Variants in EYA4 observed in about 807,000 individuals in gnomAD.
EYA4 encodes protein phosphatase EYA4.
Under a neutral mutation model 87.9 loss-of-function variants are expected in EYA4, and 31 were observed. The observed-to-expected ratio is 0.35, with a 90% confidence interval of 0.27 to 0.48. The LOEUF is 0.48. Ranked by LOEUF, EYA4 falls within the 20% of genes least tolerant of loss-of-function variation. The pLI, the probability that EYA4 is intolerant of heterozygous loss-of-function variation, is 0.99. For synonymous variants in EYA4, 263 were observed against 270.6 expected, an observed-to-expected ratio of 0.97 and a Z score of 0.28; for missense variants, 678 against 761.4, an observed-to-expected ratio of 0.89 and a Z score of 1.29.
intron 2 of EYA4, among the ~76,000 whole-genome samples, chr6:133,315,191 C>T (rs1361067054): frequency 6.6e-6 from 1 of 152,136 alleles, no homozygotes; most frequent in Non-Finnish European, 1.5e-5. Context: ...GCCACTAAAT[C>T]ACTCTTGGCC....
At chr6:133,297,980 A>G (rs1204143162) in intron 2 of EYA4, among the ~76,000 whole-genome samples, 1 of 152,152 alleles carries the variant, frequency 6.6e-6, no homozygotes, top group East Asian at 1.9e-4. Context: ...CGAGGCTACA[A>G]TATGGTGATT....
rs1432799648 is a variant in EYA4 at position 133,498,696 on chromosome 6, G to C, written c.1192-7410G>C. Among the ~76,000 whole-genome samples the C allele has an allele frequency of 1.3e-4, 19 of 146,384 alleles. No homozygotes were observed. In the South Asian group the frequency reaches 1.7e-3, roughly 13 times the overall value. ...ATAATGTTTTTACTGGTAGCTTATA[G>C]TAAGTTTGTGTGTGCATGTGTATGT... On this transcript the variant is annotated intron_variant, in intron 13 of 19. Coordinates refer to ENST00000355286, the MANE Select transcript of EYA4 (RefSeq NM_004100.5).
At chr6:133,492,705 G>C (rs1368771733) in intron 13 of EYA4, among the ~76,000 whole-genome samples, 5 of 152,090 alleles carry the variant, frequency 3.3e-5, no homozygotes, top group Admixed American at 1.3e-4. Flanking sequence ...TTTTAGAAAA[G>C]CTTAAAGATT....
At chr6:133,334,209 T>C (rs1422489952) in intron 2 of EYA4, among the ~76,000 whole-genome samples, 1 of 152,212 alleles carries the variant, frequency 6.6e-6, no homozygotes, top group East Asian at 1.9e-4. Context: ...CAGATGCATA[T>C]GCTAAAAGAA....
Position 133,301,490 on chromosome 6 carries a change from A to C in EYA4, c.33+26677A>C, listed in dbSNP as rs912797065. Reference sequence around the variant, plus strand: ...GGTGAAGAAAACAATGTTCTAATACAAAGTGAATGAAAATAGCTGCACATA... The same window carrying C: ...GGTGAAGAAAACAATGTTCTAATACCAAGTGAATGAAAATAGCTGCACATA... On this transcript the variant is annotated intron_variant, in intron 2 of 19. Coordinates refer to ENST00000355286, the MANE Select transcript of EYA4 (RefSeq NM_004100.5). 2.0e-5 allele frequency among the ~76,000 whole-genome samples: 3 copies of C among 152,366 alleles called. No individual in the cohort carries two copies. The South Asian group carries it at 6.2e-4, about 32-fold the overall frequency.
intron 2 of EYA4, among the ~76,000 whole-genome samples, chr6:133,345,885 T>C (rs1783156005): frequency 6.6e-6 from 1 of 152,230 alleles, no homozygotes; most frequent in South Asian, 2.1e-4. Flanking sequence ...TAAGAGAAGG[T>C]AAGGACATCT....
At chr6:133,351,231 C>A (rs1373970669) in intron 2 of EYA4, among the ~76,000 whole-genome samples, 1 of 152,150 alleles carries the variant, frequency 6.6e-6, no homozygotes, top group Non-Finnish European at 1.5e-5. Context: ...CTTTCAGGAT[C>A]TCAGTTGAAT....
At chr6:133,257,878 T>C (rs189457988) in intron 1 of EYA4, among the ~76,000 whole-genome samples, 1 of 150,126 alleles carries the variant, frequency 6.7e-6, no homozygotes, top group African/African-American at 2.4e-5. Context: ...CATGCATTTA[T>C]GCACTATTGA....
chr6:133,276,215 AGT>A (rs1180983829), intron 2 of EYA4, among the ~76,000 whole-genome samples: 3 of 152,100 alleles, frequency 2.0e-5, no homozygotes, highest in Non-Finnish European at 4.4e-5. Flanking sequence ...GTCACATACA[AGT>A]GTGTGTGTAT....
intron 13 of EYA4, among the ~76,000 whole-genome samples, chr6:133,495,957 C>T (rs1797618273): frequency 6.6e-6 from 1 of 152,100 alleles, no homozygotes; most frequent in Non-Finnish European, 1.5e-5. Flanking sequence ...GAGAAAAGGC[C>T]ATGGTCAAAT....
At chr6:133,384,179 G>A (rs2128483797) in intron 3 of EYA4, among the ~76,000 whole-genome samples, 1 of 152,226 alleles carries the variant, frequency 6.6e-6, no homozygotes, top group South Asian at 2.1e-4. Flanking sequence ...TTCATAGTTG[G>A]TATCAGTAAG....
chr6:133,334,476 T>C (rs1782216942), intron 2 of EYA4, among the ~76,000 whole-genome samples: 1 of 152,170 alleles, frequency 6.6e-6, no homozygotes. Flanking sequence ...TTGTTGTTCT[T>C]GAGGGATATC....
At chr6:133,277,110 C>A (rs1047933142) in intron 2 of EYA4, among the ~76,000 whole-genome samples, 1 of 152,138 alleles carries the variant, frequency 6.6e-6, no homozygotes, top group Admixed American at 6.5e-5. Context: ...TGAATTTACT[C>A]ATATCATTGC....
intron 17 of EYA4, among the ~76,000 whole-genome samples, chr6:133,515,815 T>A (rs865933104): frequency 1.3e-4 from 20 of 152,134 alleles, no homozygotes; most frequent in African/African-American, 4.3e-4. Flanking sequence ...AAGGGGGTGA[T>A]GGCAAATATG....
At chr6:133,448,229 C>A (rs1291672321) in intron 5 of EYA4, 50 bp downstream of exon 5, 4 of 1,352,816 alleles carry the variant, frequency 3.0e-6, no homozygotes, top group Non-Finnish European at 4.2e-6. Flanking sequence ...TGGATTTGCC[C>A]CTCTGGATTG....
chr6:133,421,990 AAT>A (rs1421475553), intron 3 of EYA4, among the ~76,000 whole-genome samples: 1 of 152,180 alleles, frequency 6.6e-6, no homozygotes, highest in Non-Finnish European at 1.5e-5. Flanking sequence ...TTCATTAGTA[AAT>A]ATGTGAAAGT....
intron 1 of EYA4, among the ~76,000 whole-genome samples, chr6:133,251,164 A>G (rs571813345): frequency 3.3e-5 from 5 of 152,284 alleles, no homozygotes; most frequent in African/African-American, 1.2e-4. Context: ...TAGAGCTTTA[A>G]TCTGTGTGGT....
In EYA4 at chr6:133,338,571, A is replaced by T. The variant is rs868624391; in HGVS notation, c.34-43821A>T. On this transcript the variant is annotated intron_variant, in intron 2 of 19. Coordinates refer to ENST00000355286, the MANE Select transcript of EYA4 (RefSeq NM_004100.5). ...CCTCTAGGAGTTAGATATCATAATC[A>T]TTCAGCCTCTATTAAATCTATAGTC... is the stretch of plus-strand genomic sequence containing the variant. Among the ~76,000 whole-genome samples, 63 of 152,302 alleles carry T rather than the reference A, an allele frequency of 4.1e-4. 1 individual carries two copies. Among genetic ancestry groups the T allele is most frequent in the Middle Eastern group, 3.4e-3 (1 of 294 alleles).
chr6:133,443,383 T>A (rs1792498256), intron 3 of EYA4, among the ~76,000 whole-genome samples: 1 of 152,066 alleles, frequency 6.6e-6, no homozygotes, highest in Admixed American at 6.5e-5. Context: ...TTCAGGAAAT[T>A]CACTGATTTT....
Sources: gnomAD v4.1 joint callset for allele counts (sites outside exome capture counted in the v4.1 genomes callset) on GRCh38, gnomAD v4.1.1 for gene constraint, MANE v1.5 for transcripts, NCBI Gene and HGNC (gene_info 2026-07-23, HGNC 2026-07-21) for gene names.